The following JAZF1 variants were observed in gnomAD, a reference collection of about 807,000 sequenced individuals.
JAZF1 encodes the protein juxtaposed with another zinc finger protein 1.
JAZF1 carries 8 observed loss-of-function variants against 26.4 expected under a neutral mutation model. The ratio of observed to expected loss-of-function variants is 0.30; its 90% confidence interval spans 0.18 to 0.55. The LOEUF (loss-of-function observed/expected upper bound fraction) is 0.55, where lower values mean the gene tolerates loss of function less well. Ranked by LOEUF, JAZF1 falls within the 20% of genes least tolerant of loss-of-function variation. JAZF1 has a pLI of 0.94. For missense variants in JAZF1, 199 were observed against 322.0 expected, an observed-to-expected ratio of 0.62 and a Z score of 2.92; for synonymous variants, 126 against 122.3, an observed-to-expected ratio of 1.03 and a Z score of -0.20.
chr7:27,974,380 T>C (rs1017722291), intron 2 of JAZF1, among the ~76,000 whole-genome samples: 3 of 152,088 alleles, frequency 2.0e-5, no homozygotes, highest in Non-Finnish European at 4.4e-5. Context: ...AACAAACTAA[T>C]GGGCACAAAG....
chr7:28,033,127 TCTA>T (rs1247129017), intron 1 of JAZF1, among the ~76,000 whole-genome samples: 12 of 152,132 alleles, frequency 7.9e-5, no homozygotes, highest in African/African-American at 2.4e-4. Context: ...CTTTTCCATA[TCTA>T]CCCCTAGAAC....
chr7:27,964,037 T>C (rs1785231443), intron 2 of JAZF1, among the ~76,000 whole-genome samples: 1 of 152,240 alleles, frequency 6.6e-6, no homozygotes, highest in African/African-American at 2.4e-5. Context: ...ATTTCTCTAG[T>C]GCTTCCATTA....
chr7:28,035,004 A>G (rs1422857570), intron 1 of JAZF1, among the ~76,000 whole-genome samples: 1 of 152,078 alleles, frequency 6.6e-6, no homozygotes, highest in African/African-American at 2.4e-5. Context: ...CCGTCCTCAA[A>G]TTGCAATCTT....
At chr7:27,912,243 T>TA (rs1055152579) in intron 2 of JAZF1, among the ~76,000 whole-genome samples, 2 of 152,356 alleles carry the variant, frequency 1.3e-5, no homozygotes, top group African/African-American at 4.8e-5. Flanking sequence ...AATTTTCACT[T>TA]ACACTTCTTT....
chr7:27,832,457 C>A lies in JAZF1; in HGVS notation c.*343G>T. 1 of 235,710 alleles carries A rather than the reference C, an allele frequency of 4.2e-6. No homozygotes were observed. 14.6% of individuals were successfully genotyped at this position (235,710 alleles called of 1,614,324 possible). A position where few individuals can be genotyped will look rare whatever the true frequency, so the allele number is the denominator to read the frequency against. On this transcript the variant is annotated 3_prime_UTR_variant, in exon 5 of 5. Coordinates refer to ENST00000283928, the MANE Select transcript of JAZF1 (RefSeq NM_175061.4). ...GAAAAAAAAATCTCAGTGCCAGCCC[C>A]TCCTCCCCCCAGGTTGATACCACCG...
At chr7:27,970,270 C>T (rs1785352305) in intron 2 of JAZF1, among the ~76,000 whole-genome samples, 1 of 151,954 alleles carries the variant, frequency 6.6e-6, no homozygotes, top group African/African-American at 2.4e-5. Context: ...CTATGATATC[C>T]AAGAAAAAAC....
chr7:27,946,288 G>A (rs1351956249), intron 2 of JAZF1, among the ~76,000 whole-genome samples: 1 of 151,962 alleles, frequency 6.6e-6, no homozygotes, highest in South Asian at 2.1e-4. Flanking sequence ...AGTTTAAAAG[G>A]GAAATTAAAT....
At chr7:27,904,560 C>T (rs1784217685) in intron 2 of JAZF1, among the ~76,000 whole-genome samples, 2 of 152,114 alleles carry the variant, frequency 1.3e-5, no homozygotes, top group South Asian at 2.1e-4. Context: ...TCTAGTAATG[C>T]TTTAAATAAT....
intron 2 of JAZF1, among the ~76,000 whole-genome samples, chr7:27,923,610 G>A (rs947434250): frequency 3.9e-5 from 6 of 152,190 alleles, no homozygotes; most frequent in African/African-American, 9.7e-5. Flanking sequence ...CTGGGCTGGC[G>A]CCGCCAACAT....
At chr7:28,001,259 T>G (rs999678307) in intron 1 of JAZF1, among the ~76,000 whole-genome samples, 4 of 151,760 alleles carry the variant, frequency 2.6e-5, no homozygotes, top group Non-Finnish European at 5.9e-5. Context: ...GGCTGAGATA[T>G]GAGAATCGTT....
chr7:27,917,663 T>G (rs989244774), intron 2 of JAZF1, among the ~76,000 whole-genome samples: 1 of 152,186 alleles, frequency 6.6e-6, no homozygotes, highest in Non-Finnish European at 1.5e-5. Context: ...TTTTGATGTT[T>G]GCTGAGACAC....
intron 1 of JAZF1, among the ~76,000 whole-genome samples, chr7:28,171,418 C>T (rs995178582): frequency 1.3e-5 from 2 of 152,184 alleles, no homozygotes; most frequent in Admixed American, 6.5e-5. Context: ...TTTCACAGCC[C>T]AAAGTACTTC....
At chr7:28,001,029 T>C (rs192244578) in intron 1 of JAZF1, among the ~76,000 whole-genome samples, 17 of 152,248 alleles carry the variant, frequency 1.1e-4, no homozygotes, top group South Asian at 2.1e-4. Context: ...AGGTTCACAA[T>C]TGAGCGAAAA....
rs552183285 is a variant in JAZF1 at position 28,046,253 on chromosome 7, G to A, written c.116-54272C>T. Among the ~76,000 whole-genome samples, 19 of 152,284 alleles carry A rather than the reference G, an allele frequency of 1.2e-4. 1 individual carries two copies. The South Asian group carries it at 2.7e-3, about 22-fold the overall frequency. ...TTTTTACTGATGGGCAAACTGAGGC[G>A]CAGAGAAGTTAAGCAACTTGCTCAA... is the stretch of plus-strand genomic sequence containing the variant. On this transcript the variant is annotated intron_variant, in intron 1 of 4. Coordinates refer to ENST00000283928, the MANE Select transcript of JAZF1 (RefSeq NM_175061.4).
At chr7:28,074,284 T>C (rs1006225412) in intron 1 of JAZF1, among the ~76,000 whole-genome samples, 79 of 152,328 alleles carry the variant, frequency 5.2e-4, no homozygotes, top group Non-Finnish European at 1.6e-4. Context: ...AATTTAGTAA[T>C]TATTTCTTTC....
At chr7:27,889,015 T>C (rs1783920672) in intron 3 of JAZF1, among the ~76,000 whole-genome samples, 2 of 152,194 alleles carry the variant, frequency 1.3e-5, no homozygotes. Flanking sequence ...ACAGTAATCT[T>C]TCTCCAGACA....
intron 1 of JAZF1, among the ~76,000 whole-genome samples, chr7:28,065,802 T>G (rs911563146): frequency 6.6e-6 from 1 of 152,078 alleles, no homozygotes; most frequent in Non-Finnish European, 1.5e-5. Flanking sequence ...GCAGAGAAAA[T>G]AAAACTACAA....
intron 1 of JAZF1, among the ~76,000 whole-genome samples, chr7:28,084,108 G>A (rs1244712752): frequency 6.6e-6 from 1 of 152,082 alleles, no homozygotes; most frequent in Non-Finnish European, 1.5e-5. Context: ...CCATCACACT[G>A]CAACATTTTC....
At chr7:28,154,813 T>C (rs1271966994) in intron 1 of JAZF1, among the ~76,000 whole-genome samples, 3 of 151,274 alleles carry the variant, frequency 2.0e-5, no homozygotes, top group Non-Finnish European at 4.4e-5. Context: ...CCTACTAAGA[T>C]GATGCCTACA....
Sources: allele counts gnomAD v4.1 joint callset (sites outside exome capture counted in the v4.1 genomes callset), GRCh38; gene constraint gnomAD v4.1.1; transcripts MANE v1.5; gene names NCBI Gene and HGNC (gene_info 2026-07-23, HGNC 2026-07-21).